Variants in COP1 observed in about 807,000 individuals in gnomAD.
The protein encoded by COP1 is COP1 E3 ubiquitin ligase.
Under a neutral mutation model 101.3 loss-of-function variants are expected in COP1, and 24 were observed. The observed-to-expected ratio is 0.24, with a 90% CI of 0.17 to 0.33. The LOEUF (loss-of-function observed/expected upper bound fraction) is 0.33. Ranked by LOEUF, COP1 falls within the 10% of genes least tolerant of loss-of-function variation. The pLI, the probability that COP1 is intolerant of heterozygous loss-of-function variation, is 1.00. For synonymous variants in COP1, 347 were observed against 341.9 expected, an observed-to-expected ratio of 1.01 and a Z score of -0.17; for missense variants, 663 against 906.2, an observed-to-expected ratio of 0.73 and a Z score of 3.45.
chr1:176,027,477 C>T, intron 15 of COP1, 95 bp downstream of exon 15: 1 of 770,252 alleles, frequency 1.3e-6, no homozygotes, highest in South Asian at 1.5e-5. Context: ...AACATTTAAA[C>T]CTACAAAAGA....
intron 3 of COP1, among the ~76,000 whole-genome samples, chr1:176,164,656 T>C (rs1220494659): frequency 6.6e-6 from 1 of 152,122 alleles, no homozygotes; most frequent in Non-Finnish European, 1.5e-5. Flanking sequence ...AAGACCAAGG[T>C]ATATGCTGGC....
intron 18 of COP1, among the ~76,000 whole-genome samples, chr1:175,958,842 T>C (rs1400524036): frequency 6.6e-6 from 1 of 151,950 alleles, no homozygotes; most frequent in Non-Finnish European, 1.5e-5. Context: ...TCAAAAATAT[T>C]TCTACCTCAG....
At chr1:175,996,187 A>G (rs1477022987) in intron 15 of COP1, among the ~76,000 whole-genome samples, 1 of 152,218 alleles carries the variant, frequency 6.6e-6, no homozygotes, top group Non-Finnish European at 1.5e-5. Context: ...GCCTTTGACA[A>G]AATTCAACAA....
intron 12 of COP1, 91 bp downstream of exon 12, chr1:176,046,090 G>GT (rs1404712503): frequency 1.0e-6 from 1 of 971,654 alleles, no homozygotes; most frequent in African/African-American, 1.6e-5. Context: ...TGAGTAAAAA[G>GT]TGTCATGCAA....
intron 15 of COP1, among the ~76,000 whole-genome samples, chr1:176,002,568 CAT>C (rs1318082330): frequency 7.2e-6 from 1 of 139,576 alleles, no homozygotes; most frequent in Non-Finnish European, 1.5e-5. Context: ...CATGTGATCT[CAT>C]TGTTCAATTC....
intron 1 of COP1, among the ~76,000 whole-genome samples, chr1:176,204,980 A>T (rs1464703244): frequency 2.0e-5 from 3 of 152,192 alleles, no homozygotes; most frequent in Non-Finnish European, 4.4e-5. Context: ...CCTATAGCAT[A>T]GCCTGCAGTG....
chr1:176,039,465 A>G (rs190156590), intron 14 of COP1, among the ~76,000 whole-genome samples: 1 of 152,230 alleles, frequency 6.6e-6, no homozygotes, highest in African/African-American at 2.4e-5. Flanking sequence ...AGATGAATGA[A>G]AACAAGAAAC....
At chr1:176,043,522 GA>G (rs1446984325) in intron 13 of COP1, among the ~76,000 whole-genome samples, 187 bp downstream of exon 13, 1 of 152,006 alleles carries the variant, frequency 6.6e-6, no homozygotes, top group African/African-American at 2.4e-5. Flanking sequence ...AAATGCTTTG[GA>G]AAAGCATATG....
At chr1:176,058,058 G>GC (rs1673985075) in intron 11 of COP1, among the ~76,000 whole-genome samples, 1 of 132,090 alleles carries the variant, frequency 7.6e-6, no homozygotes. Flanking sequence ...CCTCCGCCCG[G>GC]CAGCCGCCCC....
intron 15 of COP1, 29 bp downstream of exon 15, chr1:176,027,543 A>T: frequency 7.8e-7 from 1 of 1,289,496 alleles, no homozygotes. Flanking sequence ...CCAACATCAA[A>T]GGAAGACAAA....
chr1:176,124,992 T>C lies in COP1; in HGVS notation c.969-8311A>G, dbSNP rs187568897. 6.6e-5 allele frequency among the ~76,000 whole-genome samples: 10 copies of C among 152,334 alleles called. No individual in the cohort carries two copies. The East Asian group carries it at 9.7e-4, about 15-fold the overall frequency. On this transcript the variant is annotated intron_variant, in intron 8 of 19. Transcript: ENST00000367669. ...AGGTGAGATGATATTTCATTGTAGT[T>C]GTGATTTGCATTTCTGATGATCAAT...
intron 14 of COP1, among the ~76,000 whole-genome samples, chr1:176,030,109 G>A (rs189389970): frequency 2.3e-4 from 35 of 152,086 alleles, no homozygotes; most frequent in East Asian, 1.9e-4. Flanking sequence ...ACACCACCAC[G>A]CCTGGCTAAT....
chr1:176,131,299 A>T (rs527803369), intron 8 of COP1, among the ~76,000 whole-genome samples: 1 of 152,014 alleles, frequency 6.6e-6, no homozygotes, highest in Admixed American at 6.6e-5. Flanking sequence ...AGGTGATGCT[A>T]AGGATCTAAA....
At chr1:176,178,778 G>A (rs1335375627) in intron 2 of COP1, among the ~76,000 whole-genome samples, 6 of 151,858 alleles carry the variant, frequency 4.0e-5, no homozygotes, top group Admixed American at 3.3e-4. Context: ...GCTTGAACCC[G>A]GGAGGTGGAG....
At chr1:176,189,771 T>C (rs1436688359) in intron 1 of COP1, among the ~76,000 whole-genome samples, 1 of 151,208 alleles carries the variant, frequency 6.6e-6, no homozygotes, top group East Asian at 2.0e-4. Flanking sequence ...CTAGAAACAA[T>C]GAAAGCAAGC....
chr1:175,984,023 G>A lies in COP1; in HGVS notation c.2133+2920C>T, dbSNP rs1334726680. ...TTCAAAAAATTTGCAGCCTGACAAT[G>A]CAATAGAAAAGAAAATCCCATTTTC... is the stretch of plus-strand genomic sequence containing the variant. On this transcript the variant is annotated intron_variant, in intron 18 of 19. Transcript: ENST00000367669. 2.6e-5 allele frequency among the ~76,000 whole-genome samples: 4 copies of A among 152,280 alleles called. No individual in the cohort carries two copies. In the East Asian group the frequency reaches 7.7e-4, roughly 29 times the overall value.
intron 9 of COP1, among the ~76,000 whole-genome samples, chr1:176,108,216 A>G (rs1043671181): frequency 6.6e-6 from 1 of 152,208 alleles, no homozygotes; most frequent in Non-Finnish European, 1.5e-5. Flanking sequence ...GTTCAGAAAT[A>G]TAACTCTATA....
intron 15 of COP1, among the ~76,000 whole-genome samples, chr1:175,994,011 AC>A (rs1313141443): frequency 1.3e-5 from 2 of 152,228 alleles, no homozygotes; most frequent in African/African-American, 4.8e-5. Flanking sequence ...CGGGTTAACC[AC>A]AAAGGGAAGC....
At chr1:176,085,749 A>C in intron 10 of COP1, 27 bp downstream of exon 10, 3 of 1,305,526 alleles carry the variant, frequency 2.3e-6, no homozygotes, top group Non-Finnish European at 3.2e-6. Flanking sequence ...TAGATTTCAG[A>C]TAATTTGAGA....
Sources: allele counts gnomAD v4.1 joint callset (sites outside exome capture counted in the v4.1 genomes callset), GRCh38; gene constraint gnomAD v4.1.1; transcripts MANE v1.5; gene names NCBI Gene and HGNC (gene_info 2026-07-23, HGNC 2026-07-21).